TCERG1: variants seen among roughly 807,000 people sequenced by gnomAD.
TCERG1 encodes TATA box binding protein (TBP)-associated factor, RNA polymerase II, S, 150kD.
TCERG1 carries 37 observed loss-of-function variants against 144.7 expected under a neutral mutation model. The ratio of observed to expected loss-of-function variants is 0.26; its 90% confidence interval spans 0.20 to 0.34. The LOEUF (loss-of-function observed/expected upper bound fraction) is 0.34, where lower values mean the gene tolerates loss of function less well. TCERG1 is among the 10% of genes least tolerant of loss of function. The pLI, the probability that TCERG1 is intolerant of heterozygous loss-of-function variation, is 1.00. For synonymous variants in TCERG1, 492 were observed against 458.2 expected (o/e 1.07, Z -0.94); for missense variants, 1,027 against 1,380.7 (o/e 0.74, Z 4.06).
At position 146,492,963 on chromosome 5, in the gene TCERG1, G is replaced by A; in HGVS notation, c.2207G>A (p.Arg736Lys). The change falls in exon 16 of 23, where the codon AGG becomes AAG. Residue 736 changes from arginine (R) to lysine (K), a missense_variant. Arg to Lys is a conservative substitution (Grantham distance 26). This residue lies in a region of TCERG1 where 482 missense variants were observed against 632.6 expected (regional missense o/e 0.76). Coordinates refer to ENST00000679501, the MANE Select transcript of TCERG1 (RefSeq NM_001382548.1). ...AAGACCAGGGCAGAGGAAGAACGCA[G>A]GGAAAAGAAAAATAAAATAATGCAA... ...YVKTRAEEERREKKNKIMQAK... is the reference protein window; with the variant it reads ...YVKTRAEEERKEKKNKIMQAK... 1 of 1,605,528 alleles carries A rather than the reference G, an allele frequency of 6.2e-7. No homozygotes were observed. The highest frequency in any genetic ancestry group is 8.5e-7 in the Non-Finnish European group (1 of 1,176,920).
chr5:146,503,583 A>G (rs201382028), intron 18 of TCERG1, 44 bp downstream of exon 18: 5 of 1,599,118 alleles, frequency 3.1e-6, no homozygotes, highest in East Asian at 4.5e-5. Context: ...GAATAATACA[A>G]TTCTTGTGTT....
chr5:146,473,314 G>A (rs1452604010), intron 9 of TCERG1, among the ~76,000 whole-genome samples: 1 of 152,204 alleles, frequency 6.6e-6, no homozygotes, highest in Non-Finnish European at 1.5e-5. Flanking sequence ...AAGGCTGAGA[G>A]TGGTGAGAAA....
chr5:146,453,646 T>C (rs1341755932), intron 1 of TCERG1, among the ~76,000 whole-genome samples: 1 of 152,152 alleles, frequency 6.6e-6, no homozygotes, highest in Non-Finnish European at 1.5e-5. Context: ...GTTAAAATTG[T>C]GTTGTTATTG....
intron 5 of TCERG1, among the ~76,000 whole-genome samples, chr5:146,465,571 C>T (rs1226918486): frequency 6.6e-6 from 1 of 152,048 alleles, no homozygotes; most frequent in Non-Finnish European, 1.5e-5. Context: ...AAGATTTGGA[C>T]AGGTGGTGGT....
intron 8 of TCERG1, among the ~76,000 whole-genome samples, chr5:146,471,162 C>T (rs1309310129): frequency 1.3e-5 from 2 of 152,126 alleles, no homozygotes; most frequent in African/African-American, 2.4e-5. Context: ...CAGTGGTAGT[C>T]GTGTTTCAGT....
In TCERG1 at chr5:146,510,681, C is replaced by T. The variant is rs1768392137; in HGVS notation, c.*39C>T. On this transcript the variant is annotated 3_prime_UTR_variant, in exon 23 of 23. Coordinates refer to ENST00000679501, the MANE Select transcript of TCERG1 (RefSeq NM_001382548.1). ...TCCATAGGGGCATCTATTCAAAATG[C>T]TTGCATGAGCCAATTTTCAGGTTTT... 6.4e-7 allele frequency: 1 copy of T among 1,568,682 alleles called. No individual in the cohort carries two copies. The highest frequency in any genetic ancestry group is 8.7e-7 in the Non-Finnish European group (1 of 1,155,786).
At chr5:146,509,087 A>G in intron 21 of TCERG1, 58 bp from the exon 22 acceptor site, 2 of 968,036 alleles carry the variant, frequency 2.1e-6, no homozygotes, top group South Asian at 3.6e-5. Context: ...ATTGATGTTT[A>G]TTTTGGAATT....
rs1762899588 is a variant in TCERG1 at position 146,457,141 on chromosome 5, AAAGT to A, written c.286-39_286-36del. 3.2e-6 allele frequency: 5 copies of A among 1,586,654 alleles called. No individual in the cohort carries two copies. The East Asian group carries it at 9.0e-5, about 29-fold the overall frequency. On this transcript the variant is annotated intron_variant, in intron 2 of 22. Coordinates refer to ENST00000679501, the MANE Select transcript of TCERG1 (RefSeq NM_001382548.1). ...TAGAATTCAGTAATAATTTGGAGGA[AAAGT>A]AATTAAAGTGACCATTACTGTTTTT... is the stretch of plus-strand genomic sequence containing the variant.
chr5:146,487,726 T>C (rs1432316581), intron 15 of TCERG1, among the ~76,000 whole-genome samples: 6 of 127,902 alleles, frequency 4.7e-5, no homozygotes, highest in Non-Finnish European at 9.3e-5. Context: ...AACAAGACCC[T>C]GTTTCAAAAA....
At chr5:146,478,343 C>A in intron 9 of TCERG1, 150 bp from the exon 10 acceptor site, 2 of 737,368 alleles carry the variant, frequency 2.7e-6, no homozygotes, top group Non-Finnish European at 3.9e-6. Flanking sequence ...TTGTAAAAAC[C>A]ATGTTTGGTT....
chr5:146,469,763 G>T lies in TCERG1; in HGVS notation c.1399+19G>T. 6.6e-7 allele frequency: 1 copy of T among 1,518,206 alleles called. No individual in the cohort carries two copies. The highest frequency in any genetic ancestry group is 1.3e-5 in the South Asian group (1 of 77,200). The allele number at this position is 1,518,206 out of a possible 1,614,324, so 94.0% of individuals were successfully genotyped here. A position where few individuals can be genotyped will look rare whatever the true frequency, so the allele number is the denominator to read the frequency against. ...GAAAAAGGTATATAGTGGTTTTAAT[G>T]ACTTGGAAAGTAGTATAAACTGTAA... On this transcript the variant is annotated intron_variant, in intron 7 of 22. Transcript: ENST00000679501.
At chr5:146,487,501 C>T (rs1447461235) in intron 15 of TCERG1, among the ~76,000 whole-genome samples, 1 of 152,122 alleles carries the variant, frequency 6.6e-6, no homozygotes, top group African/African-American at 2.4e-5. Context: ...AATCCCACCA[C>T]TTTAGAAAAC....
In TCERG1 at chr5:146,483,117, A is replaced by C. The variant is rs569143908; in HGVS notation, c.2073+390A>C. 4.1e-3 allele frequency among the ~76,000 whole-genome samples: 631 copies of C among 152,260 alleles called. 2 individuals carry two copies. The highest frequency in any genetic ancestry group is 0.014 in the African/African-American group (599 of 41,544). On this transcript the variant is annotated intron_variant, in intron 14 of 22. Transcript: ENST00000679501. ...GATACTTTGTGATATTATTATTTGC[A>C]ATTTAATTGAGAAGGGATTTCAACT...
intron 5 of TCERG1, 94 bp downstream of exon 5, chr5:146,463,887 G>C (rs1763550706): frequency 6.5e-7 from 1 of 1,533,844 alleles, no homozygotes; most frequent in Admixed American, 1.8e-5. Context: ...AATTTGCCTT[G>C]AATCTCACCT....
chr5:146,457,131 A>G, intron 2 of TCERG1, 52 bp from the exon 3 acceptor site: 1 of 1,583,452 alleles, frequency 6.3e-7, no homozygotes, highest in Non-Finnish European at 8.6e-7. Context: ...TTCAGTAATA[A>G]TTTGGAGGAA....
chr5:146,490,827 C>G (rs1188338649), intron 15 of TCERG1, among the ~76,000 whole-genome samples: 3 of 151,918 alleles, frequency 2.0e-5, no homozygotes, highest in Non-Finnish European at 1.5e-5. Context: ...TGTTAATTAC[C>G]TTTGTCTTTT....
At position 146,507,025 on chromosome 5, in the gene TCERG1, C is replaced by G; in HGVS notation, c.2782-3C>G. On this transcript the variant is annotated splice_region_variant and splice_polypyrimidine_tract_variant and intron_variant, in intron 19 of 22. Transcript: ENST00000679501. The surrounding 1 kb of genome is among the most constrained non-coding windows in gnomAD (Gnocchi z 4.6). ...TGATATATATATAATTTTTTCTCTT[C>G]AGGTACGTTCTTCAGATGTGTCATG... 6.4e-7 allele frequency: 1 copy of G among 1,563,570 alleles called. No homozygotes were observed. The highest frequency in any genetic ancestry group is 8.6e-7 in the Non-Finnish European group (1 of 1,161,930).
chr5:146,484,936 G>C (rs527459609), intron 15 of TCERG1, among the ~76,000 whole-genome samples: 1 of 152,164 alleles, frequency 6.6e-6, no homozygotes, highest in South Asian at 2.1e-4. Context: ...CTTTAGTCAA[G>C]TTCTTTTTCC....
At chr5:146,451,646 A>G (rs1005329929) in intron 1 of TCERG1, among the ~76,000 whole-genome samples, 1 of 150,608 alleles carries the variant, frequency 6.6e-6, no homozygotes, top group Non-Finnish European at 1.5e-5. Flanking sequence ...TTTTTAACTC[A>G]TATTTTCTAA....
Sources: allele counts gnomAD v4.1 joint callset (sites outside exome capture counted in the v4.1 genomes callset), GRCh38; gene constraint gnomAD v4.1.1; regional missense constraint gnomAD v4.1.1; non-coding constraint Gnocchi (gnomAD v3.1); transcripts MANE v1.5; gene names NCBI Gene and HGNC (gene_info 2026-07-23, HGNC 2026-07-21).